The following PIP5K1B variants were observed in gnomAD, a reference collection of about 807,000 sequenced individuals.
PIP5K1B encodes phosphatidylinositol 4-phosphate 5-kinase type-1 beta.
PIP5K1B carries 42 observed loss-of-function variants against 67.0 expected under a neutral mutation model. The observed-to-expected ratio is 0.63, with a 90% CI of 0.49 to 0.81. The LOEUF is 0.81. Ranked by LOEUF, PIP5K1B falls within the 30% of genes least tolerant of loss-of-function variation. PIP5K1B has a pLI of 0.00. For synonymous variants in PIP5K1B, 214 were observed against 231.4 expected, an observed-to-expected ratio of 0.92 and a Z score of 0.68; for missense variants, 459 against 646.3, an observed-to-expected ratio of 0.71 and a Z score of 3.14.
intron 7 of PIP5K1B, among the ~76,000 whole-genome samples, chr9:68,892,449 A>C (rs1824841700): frequency 6.6e-6 from 1 of 152,214 alleles, no homozygotes; most frequent in African/African-American, 2.4e-5. Flanking sequence ...GATTCAAATA[A>C]AGTGTCCAGA....
intron 8 of PIP5K1B, among the ~76,000 whole-genome samples, chr9:68,909,323 A>G (rs1169922853): frequency 6.6e-6 from 1 of 151,844 alleles, no homozygotes; most frequent in East Asian, 1.9e-4. Context: ...CTCTCTTCCC[A>G]TATAATTTGA....
intron 5 of PIP5K1B, among the ~76,000 whole-genome samples, chr9:68,874,419 G>A (rs1447914004): frequency 6.6e-6 from 1 of 152,154 alleles, no homozygotes; most frequent in Non-Finnish European, 1.5e-5. Context: ...GCATTCTTGT[G>A]TGTATGGGTG....
At chr9:68,878,302 C>T (rs12005292) in intron 6 of PIP5K1B, among the ~76,000 whole-genome samples, 2,757 of 152,182 alleles carry the variant, frequency 0.018, 76 homozygotes, top group African/African-American at 0.061. Context: ...CAGATGGATG[C>T]CTGTCTTTAG....
At chr9:68,848,872 A>G (rs1217289049) in intron 4 of PIP5K1B, among the ~76,000 whole-genome samples, 1 of 152,240 alleles carries the variant, frequency 6.6e-6, no homozygotes, top group Non-Finnish European at 1.5e-5. Flanking sequence ...AAATAATACA[A>G]TTAATACACA....
chr9:68,875,333 T>C (rs1823835014), intron 5 of PIP5K1B, among the ~76,000 whole-genome samples: 1 of 138,358 alleles, frequency 7.2e-6, no homozygotes, highest in Non-Finnish European at 1.5e-5. Flanking sequence ...AAAACAGTCA[T>C]CTGTAATCGT....
intron 13 of PIP5K1B, 80 bp downstream of exon 13, chr9:68,935,125 A>G: frequency 8.8e-7 from 1 of 1,131,792 alleles, no homozygotes; most frequent in East Asian, 2.5e-5. Flanking sequence ...AGAAAAATTT[A>G]AAAATACCTG....
chr9:68,855,687 G>A lies in PIP5K1B; in HGVS notation c.70-8150G>A, dbSNP rs4745344. On this transcript the variant is annotated intron_variant, in intron 4 of 15. Transcript: ENST00000265382. ...ATCCACCTCCTCTGCCCATCCTCTC[G>A]TTCATCACCCTTCTCTAAGCCATCA... is the stretch of plus-strand genomic sequence containing the variant. 6.9e-4 allele frequency among the ~76,000 whole-genome samples: 105 copies of A among 152,004 alleles called. 1 individual carries two copies. The highest frequency in any genetic ancestry group is 3.2e-3 in the Admixed American group (49 of 15,266).
At chr9:68,789,031 T>G (rs1366564856) in intron 2 of PIP5K1B, 1 of 437,906 alleles carries the variant, frequency 2.3e-6, no homozygotes, top group African/African-American at 2.1e-5. Context: ...TCCAATCAGC[T>G]TGATACAGCA....
intron 14 of PIP5K1B, among the ~76,000 whole-genome samples, chr9:68,947,174 T>A (rs1342487415): frequency 1.3e-5 from 2 of 152,188 alleles, no homozygotes; most frequent in Non-Finnish European, 2.9e-5. Context: ...GGGAATTGGT[T>A]ACAGAATGTG....
Position 68,894,431 on chromosome 9 carries a change from GAAC to G in PIP5K1B, c.568_570del (p.Asn190del). The stretch of plus-strand genomic sequence containing the variant: ...GCATTAATATCAGGATTGTGGTGAT[GAAC>G]AACGTTTTGCCACGCTCCATGAGAA... On this transcript the variant is annotated inframe_deletion, in exon 8 of 16. Transcript: ENST00000265382. The G allele has an allele frequency of 6.2e-7, 1 of 1,614,012 alleles. No individual in the cohort carries two copies. The highest frequency in any genetic ancestry group is 8.5e-7 in the Non-Finnish European group (1 of 1,179,930).
At position 68,991,294 on chromosome 9, in the gene PIP5K1B, G is replaced by A. The variant is rs747455987; in HGVS notation, c.1620+37G>A. On this transcript the variant is annotated intron_variant, in intron 15 of 15. Transcript: ENST00000265382. ...TTTAGTTTCCTCTCCTCCACTTCTG[G>A]TTTGTAAATGGATCCAGGCCATGGC... 5 of 1,054,686 alleles carry A rather than the reference G, an allele frequency of 4.7e-6. No individual in the cohort carries two copies. The Admixed American group carries it at 6.8e-5, about 14-fold the overall frequency. The allele number at this position is 1,054,686 out of a possible 1,614,324, so 65.3% of individuals were successfully genotyped here. A position where few individuals can be genotyped will look rare whatever the true frequency, so the allele number is the denominator to read the frequency against.
chr9:68,833,547 A>C (rs1236313343), intron 4 of PIP5K1B, among the ~76,000 whole-genome samples: 1 of 152,206 alleles, frequency 6.6e-6, no homozygotes, highest in African/African-American at 2.4e-5. Flanking sequence ...TACTGGTAGG[A>C]GGCCAGGGAC....
intron 4 of PIP5K1B, among the ~76,000 whole-genome samples, chr9:68,852,675 C>T (rs949430805): frequency 2.0e-5 from 3 of 152,202 alleles, no homozygotes; most frequent in African/African-American, 4.8e-5. Context: ...ATATCCTGCA[C>T]TGTCACTTCC....
At chr9:68,861,557 A>C (rs545855885) in intron 4 of PIP5K1B, among the ~76,000 whole-genome samples, 1 of 152,324 alleles carries the variant, frequency 6.6e-6, no homozygotes, top group South Asian at 2.1e-4. Flanking sequence ...TGAGTTAAGC[A>C]GATACAGATA....
rs180786601 is a variant in PIP5K1B at position 68,781,761 on chromosome 9, C to T, written c.-85-36700C>T. 1.3e-4 allele frequency: 22 copies of T among 165,098 alleles called. No homozygotes were observed. The East Asian group carries it at 2.7e-3, about 20-fold the overall frequency. The allele number at this position is 165,098 out of a possible 1,614,324, so 10.2% of individuals were successfully genotyped here. Reference sequence around the variant, plus strand: ...AAATTTTTTCCTTTTTTTTTTTAACCGGAAAGTGCATTTGCTTGGGTGTAA... The same window carrying T: ...AAATTTTTTCCTTTTTTTTTTTAACTGGAAAGTGCATTTGCTTGGGTGTAA... On this transcript the variant is annotated intron_variant, in intron 2 of 15. Transcript: ENST00000265382.
intron 1 of PIP5K1B, among the ~76,000 whole-genome samples, chr9:68,736,072 A>G (rs1337517830): frequency 6.6e-6 from 1 of 152,154 alleles, no homozygotes; most frequent in Admixed American, 6.5e-5. Context: ...CGGAAAGCGC[A>G]TGTGAGTGGC....
intron 15 of PIP5K1B, among the ~76,000 whole-genome samples, chr9:69,005,827 G>T (rs992020504): frequency 1.2e-4 from 19 of 152,058 alleles, no homozygotes; most frequent in African/African-American, 4.3e-4. Context: ...CTCTCCTGGG[G>T]CTGATCCCTA....
chr9:68,955,282 A>G (rs779057943), intron 14 of PIP5K1B, among the ~76,000 whole-genome samples: 22 of 152,358 alleles, frequency 1.4e-4, no homozygotes, highest in South Asian at 4.1e-4. Flanking sequence ...ATGTTGCTTC[A>G]TAAAGGGTTT....
At chr9:68,956,164 A>C (rs1376554190) in intron 14 of PIP5K1B, among the ~76,000 whole-genome samples, 1 of 152,200 alleles carries the variant, frequency 6.6e-6, no homozygotes, top group Non-Finnish European at 1.5e-5. Flanking sequence ...GTACTCTCAA[A>C]TGCATCGTTT....
Sources: gnomAD v4.1 joint callset for allele counts (sites outside exome capture counted in the v4.1 genomes callset) on GRCh38, gnomAD v4.1.1 for gene constraint, MANE v1.5 for transcripts, NCBI Gene and HGNC (gene_info 2026-07-23, HGNC 2026-07-21) for gene names.